The following ANO10 variants were observed in gnomAD, a reference collection of about 807,000 sequenced individuals.
The protein encoded by ANO10 is anoctamin-10.
Under a neutral mutation model 74.7 loss-of-function variants are expected in ANO10, and 77 were observed. The observed-to-expected ratio is 1.03, with a 90% CI of 0.86 to 1.25. The LOEUF is 1.25. Ranked by LOEUF, ANO10 falls within the 50% of genes most tolerant of loss-of-function variation. The pLI is 0.00. For missense variants in ANO10, 721 were observed against 778.1 expected (o/e 0.93, Z 0.87); for synonymous variants, 279 against 284.9 (o/e 0.98, Z 0.21).
intron 11 of ANO10, among the ~76,000 whole-genome samples, chr3:43,467,630 A>G (rs1390087604): frequency 1.3e-5 from 2 of 152,228 alleles, no homozygotes; most frequent in Non-Finnish European, 2.9e-5. Flanking sequence ...GAAACTTTCC[A>G]GAGTGATAGA....
intron 1 of ANO10, among the ~76,000 whole-genome samples, chr3:43,656,138 C>T (rs1481933637): frequency 1.3e-5 from 2 of 151,786 alleles, no homozygotes; most frequent in South Asian, 2.1e-4. Context: ...GGTGTATTTA[C>T]AATCCCTGAG....
chr3:43,447,276 C>T (rs1559552918), intron 11 of ANO10, among the ~76,000 whole-genome samples: 1 of 152,206 alleles, frequency 6.6e-6, no homozygotes, highest in Non-Finnish European at 1.5e-5. Context: ...TAAGTAGATT[C>T]TGTCAAATTG....
chr3:43,539,454 G>T (rs979432206), intron 11 of ANO10, among the ~76,000 whole-genome samples: 3 of 152,216 alleles, frequency 2.0e-5, no homozygotes, highest in Non-Finnish European at 4.4e-5. Flanking sequence ...CATCTGAAAG[G>T]AAAGTTAACT....
intron 1 of ANO10, chr3:43,690,960 G>C (rs760227234): frequency 1.3e-6 from 2 of 1,556,082 alleles, no homozygotes; most frequent in African/African-American, 2.8e-5. Flanking sequence ...AGCCGGCTTC[G>C]AGATAAGTCC....
intron 11 of ANO10, among the ~76,000 whole-genome samples, chr3:43,546,988 C>T (rs1297294799): frequency 2.0e-5 from 3 of 151,868 alleles, no homozygotes; most frequent in African/African-American, 4.8e-5. Context: ...ACACTAAGGC[C>T]CATTATGATT....
At chr3:43,460,730 AAAG>A (rs1257212446) in intron 11 of ANO10, among the ~76,000 whole-genome samples, 1 of 152,242 alleles carries the variant, frequency 6.6e-6, no homozygotes, top group East Asian at 1.9e-4. Flanking sequence ...CCATGGCAAA[AAAG>A]AAGAAAATGA....
At chr3:43,587,016 CA>C (rs2081510175) in intron 4 of ANO10, among the ~76,000 whole-genome samples, 1 of 152,072 alleles carries the variant, frequency 6.6e-6, no homozygotes. Context: ...CAAACACAAC[CA>C]AATAACTCTT....
intron 11 of ANO10, among the ~76,000 whole-genome samples, chr3:43,494,201 C>T (rs1361422574): frequency 6.6e-6 from 1 of 152,218 alleles, no homozygotes; most frequent in South Asian, 2.1e-4. Flanking sequence ...CGCCTGTAAT[C>T]TCAGCACTTT....
chr3:43,467,516 A>G (rs2075677726), intron 11 of ANO10, among the ~76,000 whole-genome samples: 1 of 152,246 alleles, frequency 6.6e-6, no homozygotes, highest in African/African-American at 2.4e-5. Flanking sequence ...TATTCCATCT[A>G]TATGAATTTC....
At chr3:43,442,727 A>G (rs2093178967) in intron 11 of ANO10, among the ~76,000 whole-genome samples, 1 of 152,208 alleles carries the variant, frequency 6.6e-6, no homozygotes, top group Non-Finnish European at 1.5e-5. Flanking sequence ...TTAGCCACAC[A>G]GTCTCTGTCA....
intron 1 of ANO10, among the ~76,000 whole-genome samples, chr3:43,612,827 G>A (rs1027314778): frequency 4.6e-5 from 7 of 152,076 alleles, no homozygotes; most frequent in Admixed American, 4.6e-4. Flanking sequence ...ACAGAGCTTA[G>A]GTTTTGTCAG....
intron 12 of ANO10, among the ~76,000 whole-genome samples, chr3:43,382,490 G>C (rs1474198142): frequency 5.4e-5 from 8 of 149,374 alleles, no homozygotes; most frequent in Non-Finnish European, 1.0e-4. Context: ...CTGCACTCCA[G>C]CCTGGGCGAC....
At chr3:43,433,133 A>G (rs902492364) in intron 11 of ANO10, among the ~76,000 whole-genome samples, 8 of 151,258 alleles carry the variant, frequency 5.3e-5, no homozygotes, top group Non-Finnish European at 1.0e-4. Flanking sequence ...TTTAGTAGAG[A>G]CGGGGGTTTC....
chr3:43,389,559 G>C (rs2092220433), intron 12 of ANO10, among the ~76,000 whole-genome samples: 1 of 152,166 alleles, frequency 6.6e-6, no homozygotes, highest in Admixed American at 6.5e-5. Context: ...AAACAAGCTT[G>C]CACCAAATAA....
chr3:43,385,796 C>T (rs147792429), intron 12 of ANO10, among the ~76,000 whole-genome samples: 123 of 152,074 alleles, frequency 8.1e-4, no homozygotes, highest in Admixed American at 4.0e-3. Context: ...GGATAAAAGA[C>T]TACACATTGG....
intron 12 of ANO10, among the ~76,000 whole-genome samples, chr3:43,387,436 G>C (rs1035333498): frequency 6.6e-6 from 1 of 151,802 alleles, no homozygotes; most frequent in African/African-American, 2.4e-5. Context: ...AGGGCAGGAG[G>C]GAGAGCACTG....
intron 12 of ANO10, among the ~76,000 whole-genome samples, chr3:43,411,109 C>T (rs2092658264): frequency 6.6e-6 from 1 of 152,106 alleles, no homozygotes; most frequent in African/African-American, 2.4e-5. Context: ...ATTATGTCTA[C>T]AGCCTTAGGC....
At chr3:43,536,580 G>T (rs1356933768) in intron 11 of ANO10, among the ~76,000 whole-genome samples, 1 of 152,078 alleles carries the variant, frequency 6.6e-6, no homozygotes, top group East Asian at 1.9e-4. Flanking sequence ...CTCAAGATGA[G>T]CAGCTCCTTT....
chr3:43,370,219 T>C (rs2091559277), intron 12 of ANO10, among the ~76,000 whole-genome samples: 1 of 152,202 alleles, frequency 6.6e-6, no homozygotes, highest in African/African-American at 2.4e-5. Context: ...ACAGAATTTA[T>C]GATTAGGAAG....
Sources: allele counts gnomAD v4.1 joint callset (sites outside exome capture counted in the v4.1 genomes callset), GRCh38; gene constraint gnomAD v4.1.1; transcripts MANE v1.5; gene names NCBI Gene and HGNC (gene_info 2026-07-23, HGNC 2026-07-21).